The following MFHAS1 variants were observed in gnomAD, a reference collection of about 807,000 sequenced individuals.
MFHAS1 encodes multifunctional ROCO family signaling regulator 1.
Under a neutral mutation model 70.4 loss-of-function variants are expected in MFHAS1, and 50 were observed. The observed-to-expected ratio is 0.71, with a 90% confidence interval of 0.57 to 0.90. MFHAS1 has a LOEUF of 0.90. MFHAS1 is among the 40% of genes least tolerant of loss of function. The pLI is 0.00. For synonymous variants in MFHAS1, 952 were observed against 620.0 expected (o/e 1.54, Z -7.96); for missense variants, 1,795 against 1,347.6 (o/e 1.33, Z -5.20).
At chr8:8,852,673 G>A (rs1808291573) in intron 1 of MFHAS1, among the ~76,000 whole-genome samples, 1 of 152,150 alleles carries the variant, frequency 6.6e-6, no homozygotes, top group African/African-American at 2.4e-5. Flanking sequence ...TGCCATTGAT[G>A]CTTTTAATAA....
intron 1 of MFHAS1, among the ~76,000 whole-genome samples, chr8:8,825,210 T>C (rs1807113111): frequency 6.6e-6 from 1 of 152,188 alleles, no homozygotes. Flanking sequence ...TCTCCCTCTA[T>C]TGCCCAGGCT....
intron 1 of MFHAS1, among the ~76,000 whole-genome samples, chr8:8,852,982 C>T (rs1273662223): frequency 2.0e-5 from 3 of 152,146 alleles, no homozygotes. Flanking sequence ...TACTTTGTGG[C>T]TGGGAAGGTG....
chr8:8,811,802 G>A (rs190345006), intron 1 of MFHAS1, among the ~76,000 whole-genome samples: 21 of 152,294 alleles, frequency 1.4e-4, no homozygotes, highest in Middle Eastern at 3.4e-3. Context: ...GCATAAACAC[G>A]GAGGTCTCTC....
intron 1 of MFHAS1, among the ~76,000 whole-genome samples, chr8:8,848,556 A>G (rs1563202524): frequency 6.6e-6 from 1 of 152,254 alleles, no homozygotes; most frequent in African/African-American, 2.4e-5. Context: ...CTGGAAATTG[A>G]ATTAAAATAC....
chr8:8,872,080 A>G (rs1809095748), intron 1 of MFHAS1, among the ~76,000 whole-genome samples: 1 of 152,232 alleles, frequency 6.6e-6, no homozygotes, highest in Admixed American at 6.5e-5. Context: ...ACATGCCCGG[A>G]TGGCAAGCAT....
intron 1 of MFHAS1, among the ~76,000 whole-genome samples, chr8:8,862,560 C>T (rs1808707014): frequency 6.6e-6 from 1 of 152,030 alleles, no homozygotes; most frequent in African/African-American, 2.4e-5. Flanking sequence ...GAAAAAATGT[C>T]TGCTGTTAGG....
intron 1 of MFHAS1, among the ~76,000 whole-genome samples, chr8:8,851,486 A>G (rs1480280425): frequency 6.6e-6 from 1 of 152,182 alleles, no homozygotes; most frequent in Non-Finnish European, 1.5e-5. Context: ...TTCAAACTCT[A>G]CGTGTGGAGT....
chr8:8,830,326 G>A (rs1807337289), intron 1 of MFHAS1, among the ~76,000 whole-genome samples: 1 of 152,160 alleles, frequency 6.6e-6, no homozygotes, highest in South Asian at 2.1e-4. Context: ...TTAACTAAAA[G>A]AAGACTAAGT....
At chr8:8,867,511 A>G (rs1015154066) in intron 1 of MFHAS1, among the ~76,000 whole-genome samples, 30 of 152,008 alleles carry the variant, frequency 2.0e-4, no homozygotes, top group African/African-American at 7.2e-4. Flanking sequence ...TATGCAAAGT[A>G]TTATTACACG....
At chr8:8,856,505 A>G (rs1808445258) in intron 1 of MFHAS1, among the ~76,000 whole-genome samples, 1 of 152,258 alleles carries the variant, frequency 6.6e-6, no homozygotes, top group Non-Finnish European at 1.5e-5. Context: ...ACAATTGCCA[A>G]ACATATCAGG....
chr8:8,862,021 T>A (rs1449213757), intron 1 of MFHAS1, among the ~76,000 whole-genome samples: 4 of 152,240 alleles, frequency 2.6e-5, no homozygotes, highest in Non-Finnish European at 5.9e-5. Context: ...TTAAAATGTA[T>A]TTTCATTTCC....
At chr8:8,800,830 C>A (rs753376313) in intron 1 of MFHAS1, among the ~76,000 whole-genome samples, 15 of 152,156 alleles carry the variant, frequency 9.9e-5, no homozygotes, top group Non-Finnish European at 2.1e-4. Flanking sequence ...AAGCCCCTGT[C>A]CTCAGCACCC....
rs140853409 is a variant in MFHAS1, at chr8:8,833,847, A to G, written c.2999-36356T>C. Among the ~76,000 whole-genome samples the G allele has an allele frequency of 6.3e-3, 957 of 152,268 alleles. 10 individuals are homozygous for G. Among genetic ancestry groups the G allele is most frequent in the South Asian group, 0.031 (148 of 4,820 alleles). On this transcript the variant is annotated intron_variant, in intron 1 of 2. Coordinates refer to ENST00000276282, the MANE Select transcript of MFHAS1 (RefSeq NM_004225.3). ...ATACTGCAGTACTTCCTAAAATGGA[A>G]TACTACTCAACAACAAAAAGAAACA...
chr8:8,831,790 G>A (rs1306698110), intron 1 of MFHAS1, among the ~76,000 whole-genome samples: 1 of 151,912 alleles, frequency 6.6e-6, no homozygotes, highest in Non-Finnish European at 1.5e-5. Flanking sequence ...TATATTTTTA[G>A]TAGAGACGGG....
Position 8,785,739 on chromosome 8 carries a change from T to A in MFHAS1, c.*283A>T. On this transcript the variant is annotated 3_prime_UTR_variant, in exon 3 of 3. Coordinates refer to ENST00000276282, the MANE Select transcript of MFHAS1 (RefSeq NM_004225.3). ...AAAATCCCTGAGAAGCCATTCGACTTTTTTTTTTTTTTTTTCTTTTCTTCA... is the reference window on the plus strand; with the variant it reads ...AAAATCCCTGAGAAGCCATTCGACTATTTTTTTTTTTTTTTCTTTTCTTCA... The A allele has an allele frequency of 1.6e-5, 1 of 63,498 alleles. No individual in the cohort carries two copies. Among genetic ancestry groups the A allele is most frequent in the Non-Finnish European group, 2.8e-5 (1 of 35,930 alleles). 3.9% of individuals were successfully genotyped at this position (63,498 alleles called of 1,614,324 possible).
At chr8:8,851,657 T>G (rs1808252003) in intron 1 of MFHAS1, among the ~76,000 whole-genome samples, 1 of 152,246 alleles carries the variant, frequency 6.6e-6, no homozygotes, top group Non-Finnish European at 1.5e-5. Context: ...AAAACTCTAT[T>G]CTTTCATATT....
intron 1 of MFHAS1, among the ~76,000 whole-genome samples, chr8:8,863,855 C>T (rs1158824190): frequency 6.6e-6 from 1 of 152,124 alleles, no homozygotes; most frequent in Admixed American, 6.5e-5. Context: ...TATCTGAATT[C>T]CTTTCTCAGA....
At chr8:8,861,447 T>G (rs1334147496) in intron 1 of MFHAS1, among the ~76,000 whole-genome samples, 1 of 152,132 alleles carries the variant, frequency 6.6e-6, no homozygotes, top group Non-Finnish European at 1.5e-5. Context: ...ACAACAATGT[T>G]CCACTTACCA....
chr8:8,820,247 C>T (rs1007341146), intron 1 of MFHAS1, among the ~76,000 whole-genome samples: 12 of 152,024 alleles, frequency 7.9e-5, no homozygotes, highest in African/African-American at 2.7e-4. Flanking sequence ...GCTATGCTCC[C>T]CCTTCCCAAG....
Sources: gnomAD v4.1 joint callset for allele counts (sites outside exome capture counted in the v4.1 genomes callset) on GRCh38, gnomAD v4.1.1 for gene constraint, MANE v1.5 for transcripts, NCBI Gene and HGNC (gene_info 2026-07-23, HGNC 2026-07-21) for gene names.